DPYD: variants seen among roughly 807,000 people sequenced by gnomAD.
The protein encoded by DPYD is dihydropyrimidine dehydrogenase.
In DPYD, 109 loss-of-function variants were observed where a neutral mutation model predicts 116.2. The observed-to-expected ratio is 0.94, with a 90% CI of 0.80 to 1.10. The LOEUF is 1.10. Ranked by LOEUF, DPYD falls within the 50% of genes least tolerant of loss-of-function variation. The pLI is 0.00. For missense variants in DPYD, 1,302 were observed against 1,254.5 expected (o/e 1.04, Z -0.57); for synonymous variants, 440 against 432.0 (o/e 1.02, Z -0.23).
chr1:97,657,353 G>A (rs1007210505), intron 8 of DPYD, among the ~76,000 whole-genome samples: 1 of 152,022 alleles, frequency 6.6e-6, no homozygotes, highest in Non-Finnish European at 1.5e-5. Context: ...ACTTTCTGTA[G>A]ATATTTATTC....
At chr1:97,867,120 T>C (rs1367262855) in intron 2 of DPYD, among the ~76,000 whole-genome samples, 2 of 151,834 alleles carry the variant, frequency 1.3e-5, no homozygotes, top group African/African-American at 4.8e-5. Context: ...TTCAATACTG[T>C]CATTAGACAT....
chr1:97,477,956 A>C (rs891763745), intron 13 of DPYD, among the ~76,000 whole-genome samples: 4 of 152,172 alleles, frequency 2.6e-5, no homozygotes, highest in Non-Finnish European at 5.9e-5. Flanking sequence ...AAATGTTTTC[A>C]ACTGACTATG....
At chr1:97,622,513 T>C (rs1557843187) in intron 8 of DPYD, among the ~76,000 whole-genome samples, 1 of 152,022 alleles carries the variant, frequency 6.6e-6, no homozygotes, top group Non-Finnish European at 1.5e-5. Flanking sequence ...CTTGGGATCT[T>C]GGATAGACTC....
At chr1:97,345,922 T>A (rs1009889386) in intron 16 of DPYD, among the ~76,000 whole-genome samples, 1 of 151,924 alleles carries the variant, frequency 6.6e-6, no homozygotes, top group African/African-American at 2.4e-5. Context: ...TTTCCCAACA[T>A]GTTGCAAGAA....
chr1:97,348,388 A>G (rs1160242596), intron 16 of DPYD, among the ~76,000 whole-genome samples: 1 of 152,302 alleles, frequency 6.6e-6, no homozygotes, highest in South Asian at 2.1e-4. Context: ...AAACCTTTTC[A>G]AGTATCTGAG....
intron 6 of DPYD, 61 bp from the exon 7 acceptor site, chr1:97,691,859 T>A (rs566964999): frequency 7.3e-7 from 1 of 1,373,740 alleles, no homozygotes; most frequent in South Asian, 1.2e-5. Context: ...CTTTGACCAA[T>A]CTTAAAAAAA....
chr1:97,251,418 G>T (rs75985733), intron 18 of DPYD, among the ~76,000 whole-genome samples: 1 of 133,902 alleles, frequency 7.5e-6, no homozygotes, highest in Non-Finnish European at 1.6e-5. Context: ...AAAAAAGAAA[G>T]AAAAAAAGAA....
intron 1 of DPYD, among the ~76,000 whole-genome samples, chr1:97,916,335 C>A (rs190071012): frequency 6.6e-6 from 1 of 152,064 alleles, no homozygotes; most frequent in Non-Finnish European, 1.5e-5. Flanking sequence ...TCCCTCCTCC[C>A]GACCCCACAA....
At chr1:97,405,520 T>G (rs1673606586) in intron 14 of DPYD, among the ~76,000 whole-genome samples, 1 of 152,036 alleles carries the variant, frequency 6.6e-6, no homozygotes, top group Admixed American at 6.6e-5. Context: ...ATTTATTCTT[T>G]TGTTTGTTTT....
At chr1:97,614,343 T>G (rs996514545) in intron 8 of DPYD, among the ~76,000 whole-genome samples, 2 of 152,082 alleles carry the variant, frequency 1.3e-5, no homozygotes, top group African/African-American at 2.4e-5. Context: ...TTAAATACTT[T>G]TACTCTGTGT....
At position 97,479,424 on chromosome 1, in the gene DPYD, G is replaced by A. The variant is rs147035957; in HGVS notation, c.1741-29201C>T. ...CAGACAGAGGAACAGCCGGTTGGTAGAGCAACCAGAAGACACACAACACGT... is the reference window on the plus strand; with the variant it reads ...CAGACAGAGGAACAGCCGGTTGGTAAAGCAACCAGAAGACACACAACACGT... On this transcript the variant is annotated intron_variant, in intron 13 of 22. Coordinates refer to ENST00000370192, the MANE Select transcript of DPYD (RefSeq NM_000110.4). Among the ~76,000 whole-genome samples the A allele has an allele frequency of 3.9e-5, 6 of 152,296 alleles. No individual in the cohort carries two copies. In the East Asian group the frequency reaches 1.2e-3, roughly 29 times the overall value.
chr1:97,542,711 G>C (rs567194090), intron 12 of DPYD, among the ~76,000 whole-genome samples: 1 of 152,050 alleles, frequency 6.6e-6, no homozygotes, highest in Non-Finnish European at 1.5e-5. Flanking sequence ...CTAGACAATA[G>C]GATTCTTACT....
chr1:97,268,482 C>T (rs947714284), intron 18 of DPYD, among the ~76,000 whole-genome samples: 1 of 152,134 alleles, frequency 6.6e-6, no homozygotes, highest in Admixed American at 6.6e-5. Flanking sequence ...CCCAGGCTAA[C>T]CGAGAGATCC....
At chr1:97,370,356 T>G (rs751360871) in intron 16 of DPYD, among the ~76,000 whole-genome samples, 1 of 151,492 alleles carries the variant, frequency 6.6e-6, no homozygotes, top group Non-Finnish European at 1.5e-5. Flanking sequence ...TAAATGGGAG[T>G]TGAACAACAA....
chr1:97,889,429 A>G (rs900898283), intron 1 of DPYD, among the ~76,000 whole-genome samples: 4 of 152,132 alleles, frequency 2.6e-5, no homozygotes, highest in Admixed American at 6.6e-5. Context: ...GGAAAATGAC[A>G]TATCATGCAA....
At chr1:97,095,342 T>C (rs1429144980) in intron 21 of DPYD, among the ~76,000 whole-genome samples, 1 of 152,016 alleles carries the variant, frequency 6.6e-6, no homozygotes, top group African/African-American at 2.4e-5. Flanking sequence ...GAATTATAAT[T>C]TGAGAGATGA....
chr1:97,502,031 G>A (rs1288877409), intron 13 of DPYD, among the ~76,000 whole-genome samples: 1 of 151,912 alleles, frequency 6.6e-6, no homozygotes, highest in East Asian at 1.9e-4. Flanking sequence ...TTCATGACTT[G>A]TAACTAATGA....
chr1:97,734,817 T>G (rs79692595), intron 4 of DPYD, among the ~76,000 whole-genome samples: 2,016 of 151,958 alleles, frequency 0.013, 21 homozygotes, highest in Middle Eastern at 0.024. Flanking sequence ...ATATAGGTTT[T>G]AGAAAAAAAA....
intron 8 of DPYD, among the ~76,000 whole-genome samples, chr1:97,599,479 A>G (rs143555976): frequency 1.3e-5 from 2 of 152,254 alleles, no homozygotes; most frequent in East Asian, 3.9e-4. Context: ...GGCATGTTTA[A>G]GAATTACTCA....
Sources: gnomAD v4.1 joint callset for allele counts (sites outside exome capture counted in the v4.1 genomes callset) on GRCh38, gnomAD v4.1.1 for gene constraint, MANE v1.5 for transcripts, NCBI Gene and HGNC (gene_info 2026-07-23, HGNC 2026-07-21) for gene names.